PKHD1: variants seen among roughly 807,000 people sequenced by gnomAD.
PKHD1 encodes PKHD1 ciliary IPT domain containing fibrocystin/polyductin.
Under a neutral mutation model 412.0 loss-of-function variants are expected in PKHD1, and 291 were observed. The ratio of observed to expected loss-of-function variants is 0.71; its 90% CI spans 0.64 to 0.78. The LOEUF (loss-of-function observed/expected upper bound fraction) is 0.78. Among genes scored for constraint, PKHD1 ranks in the 30% least tolerant of loss-of-function variants. The probability of loss-of-function intolerance (pLI) is 0.00; values close to 1 mark genes in which losing one functional copy is unlikely to be tolerated. For synonymous variants in PKHD1, 1,777 were observed against 1,821.5 expected (o/e 0.98, Z 0.62); for missense variants, 4,825 against 4,950.7 (o/e 0.97, Z 0.76).
intron 48 of PKHD1, among the ~76,000 whole-genome samples, chr6:51,865,177 A>C (rs1200353799): frequency 6.6e-6 from 1 of 152,184 alleles, no homozygotes; most frequent in East Asian, 1.9e-4. Context: ...CGGCTTCTAC[A>C]GAAAGCATGT....
chr6:52,006,535 C>A (rs1190510319), intron 35 of PKHD1, among the ~76,000 whole-genome samples: 1 of 152,102 alleles, frequency 6.6e-6, no homozygotes, highest in African/African-American at 2.4e-5. Context: ...CGCCACCATG[C>A]TCGGCTCATT....
intron 37 of PKHD1, among the ~76,000 whole-genome samples, chr6:51,913,271 T>C (rs1174568941): frequency 6.6e-6 from 1 of 152,108 alleles, no homozygotes; most frequent in African/African-American, 2.4e-5. Context: ...TATTAAATGA[T>C]CCCTTCAAAC....
chr6:51,772,867 G>A, intron 54 of PKHD1, 78 bp from the exon 55 acceptor site: 1 of 820,480 alleles, frequency 1.2e-6, no homozygotes, highest in Non-Finnish European at 2.2e-6. Flanking sequence ...AGTCATTCCA[G>A]AGGCTGTTGT....
intron 29 of PKHD1, among the ~76,000 whole-genome samples, chr6:52,030,481 T>C (rs556095559): frequency 6.6e-6 from 1 of 152,222 alleles, no homozygotes; most frequent in South Asian, 2.1e-4. Flanking sequence ...GAAGCTTCAG[T>C]GTAGTGAGTT....
chr6:51,720,998 G>T lies in PKHD1; in HGVS notation c.10156+23387C>A, dbSNP rs547857903. On this transcript the variant is annotated intron_variant, in intron 60 of 66. Transcript: ENST00000371117. ...CTGGCAGCAAAGGTAGCAATTTTAG[G>T]ATAGAAAGGAAATGATAACATGGGT... is the stretch of plus-strand genomic sequence containing the variant. 30 of 983,746 alleles carry T rather than the reference G, an allele frequency of 3.0e-5. No individual in the cohort carries two copies. In the African/African-American group the frequency reaches 5.1e-4, roughly 17 times the overall value. The allele number at this position is 983,746 out of a possible 1,614,324, so 60.9% of individuals were successfully genotyped here.
intron 65 of PKHD1, among the ~76,000 whole-genome samples, chr6:51,631,940 T>C (rs1480676132): frequency 2.9e-5 from 4 of 138,886 alleles, no homozygotes; most frequent in African/African-American, 8.1e-5. Flanking sequence ...TTTTTTTTTC[T>C]TTTTTTTTTT....
chr6:51,735,918 A>T (rs1783786884), intron 60 of PKHD1, among the ~76,000 whole-genome samples: 1 of 152,164 alleles, frequency 6.6e-6, no homozygotes, highest in South Asian at 2.1e-4. Context: ...TGGGCGACAG[A>T]GTGAGACCTT....
At chr6:51,701,353 T>C (rs1480985455) in intron 60 of PKHD1, among the ~76,000 whole-genome samples, 1 of 152,134 alleles carries the variant, frequency 6.6e-6, no homozygotes, top group Admixed American at 6.6e-5. Context: ...GAGTCATTAT[T>C]GCCAGTCAAT....
intron 43 of PKHD1, among the ~76,000 whole-genome samples, chr6:51,892,091 T>A (rs1779210035): frequency 6.6e-6 from 1 of 152,242 alleles, no homozygotes; most frequent in African/African-American, 2.4e-5. Flanking sequence ...TTCATTCGGT[T>A]ACAGGATGTT....
rs777574337 is a variant in PKHD1, at chr6:52,025,217, A to G, written c.4593T>C (p.Phe1531=). ...TCTGGCACACAACGTGGCTTGCATTAAAAAAAGTTACATTGCAAGGAAGTT... is the reference window on the plus strand; with the variant it reads ...TCTGGCACACAACGTGGCTTGCATTGAAAAAAGTTACATTGCAAGGAAGTT... ...DDQLPCNVTF[F]NASHVVCQTR... Residue 1531 remains phenylalanine (F), a synonymous_variant, in exon 32 of 67, where the codon TTT becomes TTC. Coordinates refer to ENST00000371117, the MANE Select transcript of PKHD1 (RefSeq NM_138694.4). 1 of 1,614,150 alleles carries G rather than the reference A, an allele frequency of 6.2e-7. No individual in the cohort carries two copies. Among genetic ancestry groups the G allele is most frequent in the Non-Finnish European group, 8.5e-7 (1 of 1,180,006 alleles).
At chr6:51,831,387 T>C (rs61297597) in intron 51 of PKHD1, among the ~76,000 whole-genome samples, 1,930 of 152,254 alleles carry the variant, frequency 0.013, 40 homozygotes, top group African/African-American at 0.044. Flanking sequence ...AATCCTGTTC[T>C]TATTTTTTAC....
chr6:51,748,979 G>A (rs775529946), intron 57 of PKHD1, among the ~76,000 whole-genome samples: 14 of 152,220 alleles, frequency 9.2e-5, no homozygotes, highest in African/African-American at 2.9e-4. Context: ...TGTATTTGTC[G>A]GGGGCCGGGT....
intron 63 of PKHD1, among the ~76,000 whole-genome samples, chr6:51,643,863 C>A (rs1296418099): frequency 6.6e-6 from 1 of 151,628 alleles, no homozygotes; most frequent in Admixed American, 6.6e-5. Flanking sequence ...TCCCCCCAAT[C>A]TCTGACAGGC....
At chr6:51,632,256 T>G (rs957585115) in intron 65 of PKHD1, among the ~76,000 whole-genome samples, 1 of 152,142 alleles carries the variant, frequency 6.6e-6, no homozygotes, top group African/African-American at 2.4e-5. Context: ...TGAGTTACAA[T>G]ATTTTTCACC....
chr6:51,713,126 T>C (rs1030826917), intron 60 of PKHD1, among the ~76,000 whole-genome samples: 25 of 152,214 alleles, frequency 1.6e-4, no homozygotes, highest in African/African-American at 6.0e-4. Flanking sequence ...TTCATATTAT[T>C]GTAATCAGTT....
At chr6:51,926,458 C>A (rs1785641411) in intron 37 of PKHD1, among the ~76,000 whole-genome samples, 1 of 152,074 alleles carries the variant, frequency 6.6e-6, no homozygotes. Context: ...AAAAAAAGAC[C>A]TGACTAATGC....
chr6:51,912,658 T>A, intron 37 of PKHD1, 82 bp from the exon 38 acceptor site: 2 of 987,266 alleles, frequency 2.0e-6, no homozygotes, highest in Admixed American at 3.7e-5. Flanking sequence ...ATAAATGTGA[T>A]GTTATTTAGC....
intron 52 of PKHD1, among the ~76,000 whole-genome samples, chr6:51,793,706 T>C (rs1051960241): frequency 1.5e-4 from 23 of 152,226 alleles, no homozygotes; most frequent in African/African-American, 5.5e-4. Context: ...ATAATTCTCA[T>C]TCCTTTTTAT....
chr6:51,920,494 T>C (rs1285329239), intron 37 of PKHD1, among the ~76,000 whole-genome samples: 9 of 152,252 alleles, frequency 5.9e-5, no homozygotes, highest in Non-Finnish European at 2.9e-5. Context: ...TCTTGGTGGA[T>C]AAGCTTTTTG....
Sources: gnomAD v4.1 joint callset for allele counts (sites outside exome capture counted in the v4.1 genomes callset) on GRCh38, gnomAD v4.1.1 for gene constraint, MANE v1.5 for transcripts, NCBI Gene and HGNC (gene_info 2026-07-23, HGNC 2026-07-21) for gene names.